AKR1E2: variants seen among roughly 807,000 people sequenced by gnomAD.
AKR1E2 encodes the protein 1,5-anhydro-D-fructose reductase.
A neutral mutation model predicts 41.9 loss-of-function variants in AKR1E2; 43 were observed. The observed-to-expected ratio is 1.03, with a 90% confidence interval of 0.80 to 1.32. AKR1E2 has a LOEUF of 1.32. Ranked by LOEUF, AKR1E2 falls within the 40% of genes most tolerant of loss-of-function variation. The pLI is 0.00. For missense variants in AKR1E2, 423 were observed against 396.5 expected, an observed-to-expected ratio of 1.07 and a Z score of -0.57; for synonymous variants, 121 against 138.9, an observed-to-expected ratio of 0.87 and a Z score of 0.91.
the AKR1E2 span, among the ~76,000 whole-genome samples, chr10:4,868,565 T>G: frequency 6.6e-6 from 1 of 152,210 alleles, no homozygotes; most frequent in Admixed American, 6.5e-5. Context: ...TTTCTTGTCT[T>G]ACTGTATTGG....
chr10:4,830,315 C>T (rs917714597), intron 1 of AKR1E2, among the ~76,000 whole-genome samples: 1 of 152,050 alleles, frequency 6.6e-6, no homozygotes, highest in Admixed American at 6.5e-5. Flanking sequence ...TATTATTGGA[C>T]GCTGTGGTAT....
intron 7 of AKR1E2, among the ~76,000 whole-genome samples, chr10:4,842,117 A>G (rs1833935917): frequency 6.6e-6 from 1 of 152,164 alleles, no homozygotes; most frequent in Non-Finnish European, 1.5e-5. Context: ...CACCAACTGC[A>G]TGCATGGTTA....
At chr10:4,861,051 T>G in the AKR1E2 span, among the ~76,000 whole-genome samples, 1 of 152,330 alleles carries the variant, frequency 6.6e-6, no homozygotes, top group East Asian at 1.9e-4. Flanking sequence ...TCTGATATGC[T>G]CTTGGTATGT....
intron 3 of AKR1E2, among the ~76,000 whole-genome samples, chr10:4,835,023 C>T (rs1290500978): frequency 6.6e-6 from 1 of 152,196 alleles, no homozygotes; most frequent in East Asian, 1.9e-4. Context: ...GTGTATCAGG[C>T]TGGAACATGT....
chr10:4,865,616 C>A, the AKR1E2 span, among the ~76,000 whole-genome samples: 1 of 152,058 alleles, frequency 6.6e-6, no homozygotes, highest in Admixed American at 6.5e-5. Context: ...AAAACATTGA[C>A]AAGTGAAGAA....
chr10:4,842,130 A>C lies in AKR1E2; in HGVS notation c.753+273A>C, dbSNP rs4339941. 0.035 allele frequency among the ~76,000 whole-genome samples: 5,312 copies of C among 152,216 alleles called. 151 individuals carry two copies. The highest frequency in any genetic ancestry group is 0.12 in the East Asian group (594 of 5,138). On this transcript the variant is annotated intron_variant, in intron 7 of 9. Transcript: ENST00000298375. ...CCCACCAACTGCATGCATGGTTAGT[A>C]TGAGATGGTACAGAAAAGTTATTTA...
the AKR1E2 span, among the ~76,000 whole-genome samples, chr10:4,856,377 G>T: frequency 3.3e-5 from 5 of 152,082 alleles, no homozygotes; most frequent in South Asian, 4.1e-4. Context: ...AGCACAACAG[G>T]TTTTTCTTAG....
intron 6 of AKR1E2, among the ~76,000 whole-genome samples, chr10:4,840,115 C>CA (rs1384890213): frequency 6.6e-6 from 1 of 152,132 alleles, no homozygotes; most frequent in Non-Finnish European, 1.5e-5. Flanking sequence ...ACCAGGGTGT[C>CA]AGCCCCCTTC....
the AKR1E2 span, among the ~76,000 whole-genome samples, chr10:4,853,874 C>T: frequency 6.6e-6 from 1 of 152,130 alleles, no homozygotes. Flanking sequence ...ACCAAGATGG[C>T]GATGAGAGTG....
At chr10:4,828,255 TCTC>T (rs769236764) in intron 1 of AKR1E2, among the ~76,000 whole-genome samples, 14 of 152,144 alleles carry the variant, frequency 9.2e-5, no homozygotes, top group Non-Finnish European at 2.1e-4. Context: ...GCTCCGCACA[TCTC>T]CTGTCCTCGT....
chr10:4,868,521 T>C, the AKR1E2 span, among the ~76,000 whole-genome samples: 2 of 152,210 alleles, frequency 1.3e-5, no homozygotes, highest in Admixed American at 1.3e-4. Flanking sequence ...GGAAACAGTT[T>C]TCTTTCTTGT....
chr10:4,847,352 C>T, intron 9 of AKR1E2, 122 bp downstream of exon 9: 1 of 1,548,530 alleles, frequency 6.5e-7, no homozygotes, highest in Non-Finnish European at 8.8e-7. Flanking sequence ...ATAATTCTTT[C>T]CTGTTTGAAG....
the AKR1E2 span, among the ~76,000 whole-genome samples, chr10:4,854,043 G>T: frequency 6.6e-6 from 1 of 151,618 alleles, no homozygotes; most frequent in Admixed American, 6.6e-5. Flanking sequence ...AGCCCTTGGG[G>T]CTGTTTTGTC....
rs1463718063 is a variant in AKR1E2 at position 4,833,389 on chromosome 10, G to A, written c.247G>A (p.Ala83Thr). Residue 83 changes from alanine (A) to threonine (T), a missense_variant, in exon 3 of 10, where the codon GCA becomes ACA. Physicochemically the swap from Ala to Thr is moderately conservative, Grantham distance 58 (BLOSUM62 0). Transcript: ENST00000298375. ...CCATAAGAAGTCCTTGGTGGAAACA[G>A]CATGCAGAAAGAGTCTCAAGGCCTT... ...TCHKKSLVET[A>T]CRKSLKALKL... is the part of the protein sequence containing the mutation. 4.3e-6 allele frequency: 7 copies of A among 1,614,070 alleles called. No homozygotes were observed.
At chr10:4,828,970 A>G (rs1832757847) in intron 1 of AKR1E2, among the ~76,000 whole-genome samples, 2 of 152,010 alleles carry the variant, frequency 1.3e-5, no homozygotes, top group Non-Finnish European at 2.9e-5. Flanking sequence ...GATTTTCTAC[A>G]CAAATGATCA....
chr10:4,837,769 G>A lies in AKR1E2; in HGVS notation c.582+188G>A, dbSNP rs1833552143. 3.3e-5 allele frequency among the ~76,000 whole-genome samples: 5 copies of A among 152,212 alleles called. No homozygotes were observed. The South Asian group carries it at 1.0e-3, about 32-fold the overall frequency. ...GTGGCTTTCTTGAAGGTGCATCTGG[G>A]TAGATGGTACTGTTGGCAGGCAGGG... On this transcript the variant is annotated intron_variant, in intron 5 of 9. Transcript: ENST00000298375.
intron 1 of AKR1E2, among the ~76,000 whole-genome samples, chr10:4,829,665 G>C (rs1832815464): frequency 6.6e-6 from 1 of 151,756 alleles, no homozygotes. Context: ...AATTTTTCTA[G>C]GAATTTTCCC....
Position 4,836,442 on chromosome 10 carries a change from G to A in AKR1E2, c.459+633G>A, listed in dbSNP as rs557272326. The stretch of plus-strand genomic sequence containing the variant: ...GGGTGGGTCTCAGGCTTGGGCTCCA[G>A]CATGGCTGACCGAGCACGTGTGGTC... On this transcript the variant is annotated intron_variant, in intron 4 of 9. Transcript: ENST00000298375. 3.9e-5 allele frequency among the ~76,000 whole-genome samples: 6 copies of A among 152,328 alleles called. No individual in the cohort carries two copies. In the South Asian group the frequency reaches 1.2e-3, roughly 32 times the overall value.
intron 5 of AKR1E2, among the ~76,000 whole-genome samples, chr10:4,838,827 G>T (rs943093294): frequency 6.6e-6 from 1 of 152,140 alleles, no homozygotes; most frequent in Non-Finnish European, 1.5e-5. Flanking sequence ...ATTTTTAGTT[G>T]TTCAGCACTT....
Sources: allele counts gnomAD v4.1 joint callset (sites outside exome capture counted in the v4.1 genomes callset), GRCh38; gene constraint gnomAD v4.1.1; transcripts MANE v1.5; gene names NCBI Gene and HGNC (gene_info 2026-07-23, HGNC 2026-07-21).